The following PXYLP1 variants were observed in gnomAD, a reference collection of about 807,000 sequenced individuals.
The protein encoded by PXYLP1 is acid phosphatase-like 2.
Under a neutral mutation model 37.9 loss-of-function variants are expected in PXYLP1, and 17 were observed. That is an observed-to-expected ratio of 0.45 (90% confidence interval 0.31 to 0.67). The LOEUF is 0.67. PXYLP1 is among the 30% of genes least tolerant of loss of function. The probability of loss-of-function intolerance (pLI) is 0.07; values close to 1 mark genes in which losing one functional copy is unlikely to be tolerated. For synonymous variants in PXYLP1, 221 were observed against 232.2 expected (o/e 0.95, Z 0.44); for missense variants, 511 against 612.0 (o/e 0.84, Z 1.74).
At chr3:141,244,362 CACCT>C (rs1352049595) in intron 1 of PXYLP1, among the ~76,000 whole-genome samples, 81 of 138,890 alleles carry the variant, frequency 5.8e-4, no homozygotes, top group Middle Eastern at 3.6e-3. Flanking sequence ...TGTCATTACT[CACCT>C]TTTTTTTTTG....
At chr3:141,253,827 A>G (rs1377768462) in intron 1 of PXYLP1, among the ~76,000 whole-genome samples, 1 of 147,032 alleles carries the variant, frequency 6.8e-6, no homozygotes, top group Non-Finnish European at 1.5e-5. Flanking sequence ...ATTCCCCTCA[A>G]CCTTTTTATC....
intron 4 of PXYLP1, among the ~76,000 whole-genome samples, chr3:141,286,525 G>A (rs938557421): frequency 2.2e-4 from 33 of 152,278 alleles, no homozygotes; most frequent in African/African-American, 7.9e-4. Flanking sequence ...GGGATAGCTC[G>A]TGGGAAGTGG....
In PXYLP1 at chr3:141,279,512, G is replaced by T. The variant is rs1220715536; in HGVS notation, c.365+8G>T. The stretch of plus-strand genomic sequence containing the variant: ...CACTCTGGTGGCTAACAGGTAAATT[G>T]CACTTTTTCTAAAAGTCATTTTCAA... On this transcript the variant is annotated splice_region_variant and intron_variant, in intron 4 of 5. Transcript: ENST00000286353. 6.2e-7 allele frequency: 1 copy of T among 1,613,998 alleles called. No homozygotes were observed. The highest frequency in any genetic ancestry group is 1.7e-5 in the Admixed American group (1 of 60,002).
At position 141,245,743 on chromosome 3, in the gene PXYLP1, G is replaced by A. The variant is rs561621513; in HGVS notation, c.-54+13832G>A. On this transcript the variant is annotated intron_variant, in intron 1 of 5. Transcript: ENST00000286353. Reference sequence around the variant, plus strand: ...AAATCAGAATTAGATATTTGCTCACGGGCTCATCTCTTAGGTATTTGGCGG... The same window carrying A: ...AAATCAGAATTAGATATTTGCTCACAGGCTCATCTCTTAGGTATTTGGCGG... 1.2e-3 allele frequency among the ~76,000 whole-genome samples: 183 copies of A among 152,272 alleles called. 1 individual carries two copies. Among genetic ancestry groups the A allele is most frequent in the South Asian group, 4.6e-3 (22 of 4,830 alleles).
intron 1 of PXYLP1, among the ~76,000 whole-genome samples, chr3:141,244,988 T>C (rs1414572226): frequency 6.6e-6 from 1 of 151,298 alleles, no homozygotes; most frequent in Non-Finnish European, 1.5e-5. Flanking sequence ...ACATTCATGA[T>C]AGGTGAGAGG....
chr3:141,257,968 A>G (rs1435400104), intron 1 of PXYLP1, among the ~76,000 whole-genome samples: 1 of 151,722 alleles, frequency 6.6e-6, no homozygotes, highest in Non-Finnish European at 1.5e-5. Flanking sequence ...AGTGTCAAGT[A>G]AGACCATAGG....
At chr3:141,241,008 G>C (rs1390105403) in intron 1 of PXYLP1, among the ~76,000 whole-genome samples, 1 of 152,114 alleles carries the variant, frequency 6.6e-6, no homozygotes, top group African/African-American at 2.4e-5. Context: ...GAACCTATGA[G>C]AGCTCCCTGT....
intron 4 of PXYLP1, among the ~76,000 whole-genome samples, chr3:141,282,506 A>ACACC (rs1231214004): frequency 2.0e-5 from 3 of 151,762 alleles, no homozygotes; most frequent in Admixed American, 1.3e-4. Context: ...ACACACACAC[A>ACACC]CACACACAGA....
rs1329616395 is a variant in PXYLP1, at chr3:141,292,306, G to A, written c.544G>A (p.Asp182Asn). 2 of 1,610,354 alleles carry A rather than the reference G, an allele frequency of 1.2e-6. No individual in the cohort carries two copies. The highest frequency in any genetic ancestry group is 2.7e-5 in the African/African-American group (2 of 74,716). ...TTTGCAGAACGGTCAGCTGCTGAGG[G>A]ATATCTATCTAAAGAAACACAAACT... ...QHLQNGQLLR[D>N]IYLKKHKLLP... The change falls in exon 6 of 6, where the codon GAT becomes AAT. Residue 182 changes from aspartate (D) to asparagine (N), a missense_variant. Coordinates refer to ENST00000286353, the MANE Select transcript of PXYLP1 (RefSeq NM_001037172.3). This position sits in a 1 kb window ranked among gnomAD's most constrained non-coding sequence, Gnocchi z 4.3.
At chr3:141,279,117 C>T (rs1266122161) in intron 3 of PXYLP1, among the ~76,000 whole-genome samples, 1 of 152,212 alleles carries the variant, frequency 6.6e-6, no homozygotes, top group Non-Finnish European at 1.5e-5. Context: ...TTTCACCAGC[C>T]TCCCGTTGTT....
At chr3:141,261,048 G>A (rs1474576066) in intron 2 of PXYLP1, among the ~76,000 whole-genome samples, 3 of 152,124 alleles carry the variant, frequency 2.0e-5, no homozygotes, top group Non-Finnish European at 2.9e-5. Context: ...TCTCCTCTAG[G>A]ACCCTTCCAG....
chr3:141,258,953 G>A (rs1395408868), intron 1 of PXYLP1, among the ~76,000 whole-genome samples: 1 of 152,232 alleles, frequency 6.6e-6, no homozygotes, highest in East Asian at 1.9e-4. Context: ...TTGGTAGAAA[G>A]TCTGACAGGT....
At chr3:141,291,111 CCTTTCCCAGGGGAACAT>C in intron 5 of PXYLP1, among the ~76,000 whole-genome samples, 1 of 152,304 alleles carries the variant, frequency 6.6e-6, no homozygotes, top group Admixed American at 6.5e-5. Flanking sequence ...TGAGCTGTTC[CCTTTCCCAGGGGAACAT>C]ATTTCCCTCT....
intron 5 of PXYLP1, 95 bp downstream of exon 5, chr3:141,287,548 TC>T: frequency 6.9e-7 from 1 of 1,459,604 alleles, no homozygotes. Context: ...GCTGTGCAGC[TC>T]AGAGGGGGTA....
chr3:141,271,413 T>C (rs1941660882), intron 2 of PXYLP1, among the ~76,000 whole-genome samples: 1 of 152,294 alleles, frequency 6.6e-6, no homozygotes, highest in South Asian at 2.1e-4. Context: ...TAGCCCAGTG[T>C]TGAAGTCCCA....
chr3:141,246,800 C>T (rs1052891171), intron 1 of PXYLP1, among the ~76,000 whole-genome samples: 4 of 152,234 alleles, frequency 2.6e-5, no homozygotes, highest in African/African-American at 9.6e-5. Context: ...TTAAAACAGC[C>T]GTCATTTTAC....
At chr3:141,240,734 T>C (rs566694695) in intron 1 of PXYLP1, among the ~76,000 whole-genome samples, 1 of 152,240 alleles carries the variant, frequency 6.6e-6, no homozygotes, top group East Asian at 1.9e-4. Context: ...GTGTTTTCTT[T>C]AGAAGGAAAT....
intron 1 of PXYLP1, among the ~76,000 whole-genome samples, chr3:141,232,643 T>C (rs982170523): frequency 1.3e-5 from 2 of 152,170 alleles, no homozygotes; most frequent in African/African-American, 4.8e-5. Context: ...TATGTCCTGA[T>C]CTTTTAAATA....
At chr3:141,247,278 T>C (rs1940981631) in intron 1 of PXYLP1, among the ~76,000 whole-genome samples, 1 of 152,270 alleles carries the variant, frequency 6.6e-6, no homozygotes, top group South Asian at 2.1e-4. Flanking sequence ...TGGGCAGTAT[T>C]TGGTTGACAT....
Sources: gnomAD v4.1 joint callset for allele counts (sites outside exome capture counted in the v4.1 genomes callset) on GRCh38, gnomAD v4.1.1 for gene constraint, Gnocchi (gnomAD v3.1) non-coding constraint, MANE v1.5 for transcripts, NCBI Gene and HGNC (gene_info 2026-07-23, HGNC 2026-07-21) for gene names.